The following CD4 variants were observed in gnomAD, a reference collection of about 807,000 sequenced individuals.
CD4 encodes the protein CD4 molecule.
CD4 carries 25 observed loss-of-function variants against 50.5 expected under a neutral mutation model. That is an observed-to-expected ratio of 0.49 (90% CI 0.36 to 0.69). CD4 has a LOEUF of 0.69. Among genes scored for constraint, CD4 ranks in the 30% least tolerant of loss-of-function variants. The pLI is 0.00. For synonymous variants in CD4, 207 were observed against 221.9 expected, an observed-to-expected ratio of 0.93 and a Z score of 0.60; for missense variants, 456 against 548.5, an observed-to-expected ratio of 0.83 and a Z score of 1.68.
chr12:6,790,900 G>A (rs1942136865), intron 1 of CD4, among the ~76,000 whole-genome samples: 1 of 152,196 alleles, frequency 6.6e-6, no homozygotes, highest in Admixed American at 6.5e-5. Flanking sequence ...ATTTTTATCG[G>A]GGCAAGGCTA....
At chr12:6,801,559 GTTTA>G (rs1437945777) in intron 3 of CD4, among the ~76,000 whole-genome samples, 26 of 139,446 alleles carry the variant, frequency 1.9e-4, no homozygotes, top group Middle Eastern at 6.8e-3. Context: ...ATTATTATTA[GTTTA>G]TTTATTTATT....
intron 5 of CD4, 121 bp from the exon 6 acceptor site, chr12:6,815,935 G>A: frequency 6.5e-7 from 1 of 1,530,016 alleles, no homozygotes; most frequent in Non-Finnish European, 8.8e-7. Context: ...GAAGTGACAA[G>A]GTGGGTGTCT....
At position 6,818,970 on chromosome 12, in the gene CD4, A is replaced by G. The variant is rs2071077; in HGVS notation, c.1346+56A>G. 0.56 allele frequency: 339,563 copies of G among 611,254 alleles called. 94,550 individuals carry two copies. The highest frequency in any genetic ancestry group is 0.78 in the East Asian group (25,314 of 32,318). The allele number at this position is 611,254 out of a possible 1,614,324, so 37.9% of individuals were successfully genotyped here. On this transcript the variant is annotated intron_variant, in intron 9 of 9. Coordinates refer to ENST00000011653, the MANE Select transcript of CD4 (RefSeq NM_000616.5). This position sits in a 1 kb window ranked among gnomAD's most constrained non-coding sequence, Gnocchi z 5.0. ...GGGAAAGGGGGAGGGGGAGGGAGTT[A>G]GAGAGGAGGGGGAGGAAGGGGAGCA...
In CD4 at chr12:6,806,056, T is replaced by A; in HGVS notation, c.214+5585T>A. ...GCTCACCGCTGTAATCCCAGCACGT[T>A]GGGAGGCTGAGGCAGGCTGATCACT... is the stretch of plus-strand genomic sequence containing the variant. On this transcript the variant is annotated intron_variant, in intron 3 of 9. Transcript: ENST00000011653. Among the ~76,000 whole-genome samples the A allele has an allele frequency of 1.3e-5, 2 of 151,146 alleles. 1 individual carries two copies. The highest frequency in any genetic ancestry group is 3.9e-4 in the East Asian group (2 of 5,144).
At chr12:6,811,833 G>A (rs1323424008) in intron 3 of CD4, among the ~76,000 whole-genome samples, 2 of 146,656 alleles carry the variant, frequency 1.4e-5, no homozygotes, top group South Asian at 2.2e-4. Context: ...TCTTTAAGAT[G>A]AGGCCTCACT....
chr12:6,815,802 G>T lies in CD4; in HGVS notation c.608-254G>T, dbSNP rs1943068918. 6.9e-6 allele frequency: 10 copies of T among 1,458,016 alleles called. No individual in the cohort carries two copies. In the East Asian group the frequency reaches 3.0e-4, roughly 44 times the overall value. The allele number at this position is 1,458,016 out of a possible 1,614,324, so 90.3% of individuals were successfully genotyped here. A position where few individuals can be genotyped will look rare whatever the true frequency, so the allele number is the denominator to read the frequency against. On this transcript the variant is annotated intron_variant, in intron 5 of 9. Transcript: ENST00000011653. ...GTCCAGGAATCCTAAGGACAGCAAG[G>T]ATCCCCTGTGGCTGGGCTGCTCTGT...
At chr12:6,801,727 A>AT (rs1457892177) in intron 3 of CD4, among the ~76,000 whole-genome samples, 2 of 148,716 alleles carry the variant, frequency 1.3e-5, no homozygotes, top group African/African-American at 2.5e-5. Context: ...TGCCTGGCTA[A>AT]TTTTTTGTAC....
At chr12:6,817,828 CT>C (rs1555118222) in intron 7 of CD4, among the ~76,000 whole-genome samples, 1 of 151,202 alleles carries the variant, frequency 6.6e-6, no homozygotes, top group East Asian at 1.9e-4. Flanking sequence ...CACTCACACA[CT>C]GTCACACACT....
intron 1 of CD4, among the ~76,000 whole-genome samples, chr12:6,795,332 C>A (rs976965223): frequency 9.9e-5 from 15 of 152,102 alleles, no homozygotes; most frequent in South Asian, 4.1e-4. Flanking sequence ...CTATCTCAAG[C>A]ACCTACCACG....
chr12:6,793,689 TATCTATCTATCTA>T (rs1215915287), intron 1 of CD4, among the ~76,000 whole-genome samples: 2,548 of 114,720 alleles, frequency 0.022, 89 homozygotes, highest in African/African-American at 0.063. Flanking sequence ...TCTATCTATC[TATCTATCTATCTA>T]TCTTTTTTTT....
intron 1 of CD4, among the ~76,000 whole-genome samples, chr12:6,790,015 T>G (rs2855537): frequency 0.8 from 122,251 of 151,902 alleles, 49,666 homozygotes; most frequent in African/African-American, 0.91. Context: ...CGTGGGCAGT[T>G]GAGGGGAGAA....
chr12:6,793,503 C>T (rs556595162), intron 1 of CD4, among the ~76,000 whole-genome samples: 1 of 152,270 alleles, frequency 6.6e-6, no homozygotes, highest in East Asian at 1.9e-4. Flanking sequence ...CTGCAGCCTT[C>T]CCCTAGATGC....
chr12:6,806,104 G>T (rs782313363), intron 3 of CD4, among the ~76,000 whole-genome samples: 23 of 148,990 alleles, frequency 1.5e-4, no homozygotes, highest in African/African-American at 5.7e-4. Context: ...TTTGAGATCA[G>T]CCTGGGCAAC....
At position 6,797,275 on chromosome 12, in the gene CD4, G is replaced by A. The variant is rs1262218561; in HGVS notation, c.-67-2797G>A. 3.3e-5 allele frequency among the ~76,000 whole-genome samples: 5 copies of A among 151,740 alleles called. No individual in the cohort carries two copies. In the East Asian group the frequency reaches 5.8e-4, roughly 18 times the overall value. ...CCCCAGTCTCGCCTGTCTGCCAAGC[G>A]CACAGGAAACTCTCCTTCATCCAAA... On this transcript the variant is annotated intron_variant, in intron 1 of 9. Transcript: ENST00000011653.
Position 6,817,184 on chromosome 12 carries a change from A to G in CD4, c.1010A>G (p.Lys337Arg). 1.2e-6 allele frequency: 2 copies of G among 1,614,108 alleles called. No individual in the cohort carries two copies. The highest frequency in any genetic ancestry group is 1.7e-6 in the Non-Finnish European group (2 of 1,179,970). The change falls in exon 7 of 10, where the codon AAG (lysine) becomes AGG (arginine). Residue 337 changes from lysine to arginine, a missense_variant. Lys to Arg is a conservative substitution (Grantham distance 26). Transcript: ENST00000011653. The stretch of plus-strand genomic sequence containing the variant: ...GAGGTGTGGGGACCCACCTCCCCTA[A>G]GCTGATGCTGAGTTTGAAACTGGAG... ...TCEVWGPTSPKLMLSLKLENK... is the reference protein window; with the variant it reads ...TCEVWGPTSPRLMLSLKLENK...
chr12:6,802,933 A>G (rs1942608867), intron 3 of CD4, among the ~76,000 whole-genome samples: 1 of 151,936 alleles, frequency 6.6e-6, no homozygotes, highest in African/African-American at 2.4e-5. Context: ...ACAGGGTTCC[A>G]CCATGCTAGC....
intron 5 of CD4, 155 bp from the exon 6 acceptor site, chr12:6,815,901 A>C: frequency 2.6e-6 from 4 of 1,520,506 alleles, no homozygotes; most frequent in Middle Eastern, 3.4e-4. Context: ...AAGGCTGGAG[A>C]GGTAGGAAGG....
At chr12:6,803,539 C>G (rs925365868) in intron 3 of CD4, among the ~76,000 whole-genome samples, 9 of 151,446 alleles carry the variant, frequency 5.9e-5, no homozygotes, top group Non-Finnish European at 1.0e-4. Flanking sequence ...AATCCCAGCA[C>G]TTTGGGAGGC....
chr12:6,814,972 A>G lies in CD4; in HGVS notation c.587A>G (p.Lys196Arg), dbSNP rs781909754. ...VLQNQKKVEF[K>R]IDIVVLAFQK... is the part of the protein sequence containing the mutation. ...CAGAACCAGAAGAAGGTGGAGTTCAAAATAGACATCGTGGTGCTAGGTAAG... is the reference window on the plus strand; with the variant it reads ...CAGAACCAGAAGAAGGTGGAGTTCAGAATAGACATCGTGGTGCTAGGTAAG... The change falls in exon 5 of 10, where the codon AAA becomes AGA. Residue 196 changes from lysine to arginine, a missense_variant. Transcript: ENST00000011653. The G allele has an allele frequency of 1.1e-5, 17 of 1,612,730 alleles. No individual in the cohort carries two copies. The South Asian group carries it at 1.9e-4, about 18-fold the overall frequency.
Sources: allele counts gnomAD v4.1 joint callset (sites outside exome capture counted in the v4.1 genomes callset), GRCh38; gene constraint gnomAD v4.1.1; non-coding constraint Gnocchi (gnomAD v3.1); transcripts MANE v1.5; gene names NCBI Gene and HGNC (gene_info 2026-07-23, HGNC 2026-07-21).